DNM3: variants seen among roughly 807,000 people sequenced by gnomAD.
The protein encoded by DNM3 is dynamin 3, also known as dynamin-3.
In DNM3, 47 loss-of-function variants were observed where a neutral mutation model predicts 101.6. The observed-to-expected ratio is 0.46, with a 90% CI of 0.37 to 0.59. The LOEUF is 0.59. Ranked by LOEUF, DNM3 falls within the 20% of genes least tolerant of loss-of-function variation. The pLI, the probability that DNM3 is intolerant of heterozygous loss-of-function variation, is 0.00. For missense variants in DNM3, 849 were observed against 1,085.7 expected (o/e 0.78, Z 3.06); for synonymous variants, 385 against 387.9 (o/e 0.99, Z 0.09).
chr1:172,123,598 A>G (rs1049434403), intron 13 of DNM3, among the ~76,000 whole-genome samples: 2 of 152,092 alleles, frequency 1.3e-5, no homozygotes, highest in Admixed American at 1.3e-4. Flanking sequence ...TAGAGCATAC[A>G]CCCTCTGTGG....
At chr1:171,918,151 T>A (rs531646501) in intron 1 of DNM3, among the ~76,000 whole-genome samples, 1 of 152,172 alleles carries the variant, frequency 6.6e-6, no homozygotes, top group East Asian at 1.9e-4. Context: ...CTTAGTTTTT[T>A]AAGGTAAGCG....
At position 172,094,438 on chromosome 1, in the gene DNM3, A is replaced by C. The variant is rs553022590; in HGVS notation, c.1545+1563A>C. On this transcript the variant is annotated intron_variant, in intron 13 of 20. Coordinates refer to ENST00000627582, the MANE Select transcript of DNM3 (RefSeq NM_015569.5). ...TGAGAATGAGATTGGAGCATGGGTC[A>C]ATTATCTGCCCCATGATATTTTGGG... Among the ~76,000 whole-genome samples the C allele has an allele frequency of 5.3e-5, 8 of 152,286 alleles. No individual in the cohort carries two copies. In the South Asian group the frequency reaches 1.0e-3, roughly 20 times the overall value.
chr1:172,162,032 G>A (rs953435151), intron 14 of DNM3, among the ~76,000 whole-genome samples: 1 of 152,040 alleles, frequency 6.6e-6, no homozygotes, highest in Admixed American at 6.6e-5. Flanking sequence ...AATTAAAAGA[G>A]CTTTGTCTGA....
chr1:172,170,019 T>C (rs1158631253), intron 14 of DNM3, among the ~76,000 whole-genome samples: 1 of 151,880 alleles, frequency 6.6e-6, no homozygotes, highest in Non-Finnish European at 1.5e-5. Context: ...TTTCTAAGTA[T>C]GTTTAGGAAG....
At chr1:172,407,382 GT>G (rs1421545725) in intron 20 of DNM3, among the ~76,000 whole-genome samples, 1 of 152,066 alleles carries the variant, frequency 6.6e-6, no homozygotes, top group African/African-American at 2.4e-5. Context: ...AAAATTATAT[GT>G]GAGAAATAAA....
intron 14 of DNM3, among the ~76,000 whole-genome samples, chr1:172,239,810 T>TC (rs1227460655): frequency 7.0e-6 from 1 of 143,396 alleles, no homozygotes; most frequent in African/African-American, 2.6e-5. Context: ...CTTTTTTTTT[T>TC]TTTTTTTTTT....
chr1:171,900,364 G>A (rs974585981), intron 1 of DNM3, among the ~76,000 whole-genome samples: 5 of 152,106 alleles, frequency 3.3e-5, no homozygotes, highest in African/African-American at 1.2e-4. Context: ...CCGAGGGGGA[G>A]AACATGCAGA....
rs1308795446 is a variant in DNM3 at position 172,232,233 on chromosome 1, T to G, written c.1660-21340T>G. Among the ~76,000 whole-genome samples, 8 of 151,996 alleles carry G rather than the reference T, an allele frequency of 5.3e-5. No individual in the cohort carries two copies. The South Asian group carries it at 6.2e-4, about 12-fold the overall frequency. ...TGGAAAACAAAAAAAGGCAGGGGTT[T>G]CAATCCTAATCTCTGATAAAACAGA... On this transcript the variant is annotated intron_variant, in intron 14 of 20. Coordinates refer to ENST00000627582, the MANE Select transcript of DNM3 (RefSeq NM_015569.5).
At chr1:172,190,011 C>CT (rs61413095) in intron 14 of DNM3, among the ~76,000 whole-genome samples, 76 of 134,440 alleles carry the variant, frequency 5.7e-4, no homozygotes, top group Admixed American at 9.6e-4. Context: ...AATCACATTT[C>CT]TTTTTTTTTT....
chr1:172,068,127 A>G (rs750743509), intron 10 of DNM3, among the ~76,000 whole-genome samples: 26 of 152,216 alleles, frequency 1.7e-4, no homozygotes, highest in Non-Finnish European at 3.1e-4. Context: ...CAGAAGTTAG[A>G]GACCAGCCTG....
chr1:172,216,272 C>A (rs1023809672), intron 14 of DNM3, among the ~76,000 whole-genome samples: 3 of 151,980 alleles, frequency 2.0e-5, no homozygotes, highest in Non-Finnish European at 4.4e-5. Flanking sequence ...TACAGTTTAT[C>A]CCTAAAAATG....
chr1:172,208,787 G>A (rs2060411327), intron 14 of DNM3, among the ~76,000 whole-genome samples: 1 of 152,088 alleles, frequency 6.6e-6, no homozygotes, highest in South Asian at 2.1e-4. Context: ...TCTCTTGGAA[G>A]TCATAATAAT....
At chr1:171,988,924 T>C (rs984778842) in intron 3 of DNM3, 21 bp from the exon 4 acceptor site, 25 of 1,553,788 alleles carry the variant, frequency 1.6e-5, no homozygotes, top group Non-Finnish European at 2.2e-5. Flanking sequence ...TATGTAAGAC[T>C]CCTTTATCCT....
intron 15 of DNM3, among the ~76,000 whole-genome samples, chr1:172,307,569 G>A (rs539297115): frequency 7.9e-5 from 12 of 152,194 alleles, no homozygotes; most frequent in East Asian, 1.9e-4. Flanking sequence ...AAAGACACAC[G>A]CACACGTATG....
intron 12 of DNM3, among the ~76,000 whole-genome samples, chr1:172,085,482 G>T (rs1315558737): frequency 6.6e-6 from 1 of 152,020 alleles, no homozygotes; most frequent in African/African-American, 2.4e-5. Flanking sequence ...GAGTTACTAG[G>T]ATTTATGCAG....
chr1:172,123,165 A>C (rs890758197), intron 13 of DNM3, among the ~76,000 whole-genome samples: 1 of 152,216 alleles, frequency 6.6e-6, no homozygotes, highest in Non-Finnish European at 1.5e-5. Flanking sequence ...TCGTATTAGT[A>C]ACAATTGATT....
intron 11 of DNM3, among the ~76,000 whole-genome samples, chr1:172,077,046 G>A (rs1390359897): frequency 6.6e-6 from 1 of 152,084 alleles, no homozygotes. Flanking sequence ...AGTTTTGGGA[G>A]GGTGTATGTA....
intron 15 of DNM3, 147 bp from the exon 16 acceptor site, chr1:172,308,581 A>C (rs2064946664): frequency 2.2e-6 from 1 of 449,392 alleles, no homozygotes; most frequent in Non-Finnish European, 3.9e-6. Context: ...ATTATTTTAA[A>C]GTATGAGTTG....
In DNM3 at chr1:172,179,640, G is replaced by A. The variant is rs764440118; in HGVS notation, c.1659+48352G>A. Among the ~76,000 whole-genome samples, 123 of 151,426 alleles carry A rather than the reference G, an allele frequency of 8.1e-4. 1 individual carries two copies. Among genetic ancestry groups the A allele is most frequent in the Admixed American group, 1.3e-3 (19 of 15,108 alleles). ...GTGTATATTTTAATGATGCTATGCCGGATCATTTCTGCTTGGATTATTTGT... is the reference window on the plus strand; with the variant it reads ...GTGTATATTTTAATGATGCTATGCCAGATCATTTCTGCTTGGATTATTTGT... On this transcript the variant is annotated intron_variant, in intron 14 of 20. Coordinates refer to ENST00000627582, the MANE Select transcript of DNM3 (RefSeq NM_015569.5).
Sources: allele counts gnomAD v4.1 joint callset (sites outside exome capture counted in the v4.1 genomes callset), GRCh38; gene constraint gnomAD v4.1.1; transcripts MANE v1.5; gene names NCBI Gene and HGNC (gene_info 2026-07-23, HGNC 2026-07-21).